LEF1: variants seen among roughly 807,000 people sequenced by gnomAD.
The protein encoded by LEF1 is lymphoid enhancer binding factor 1, also known as lymphoid enhancer-binding factor 1.
Under a neutral mutation model 51.2 loss-of-function variants are expected in LEF1, and 14 were observed. The ratio of observed to expected loss-of-function variants is 0.27; its 90% CI spans 0.18 to 0.43. The LOEUF is 0.43. Ranked by LOEUF, LEF1 falls within the 20% of genes least tolerant of loss-of-function variation. The pLI, the probability that LEF1 is intolerant of heterozygous loss-of-function variation, is 1.00. For synonymous variants in LEF1, 185 were observed against 183.2 expected (o/e 1.01, Z -0.08); for missense variants, 386 against 512.0 (o/e 0.75, Z 2.37).
intron 3 of LEF1, among the ~76,000 whole-genome samples, chr4:108,135,211 A>C (rs1383923859): frequency 4.6e-5 from 7 of 152,208 alleles, no homozygotes; most frequent in Non-Finnish European, 1.0e-4. Context: ...ATGGAACTCA[A>C]ACATCCAGAA....
Position 108,167,066 on chromosome 4 carries a change from G to A in LEF1, c.213+489C>T, listed in dbSNP as rs1745453422. On this transcript the variant is annotated intron_variant, in intron 1 of 11. Transcript: ENST00000265165. This position sits in a 1 kb window ranked among gnomAD's most constrained non-coding sequence, Gnocchi z 5.7. ...CCCACGCCCGCCTCCCCTTCCTCCCGCCTGTGGCTCTGCTCGTCTCCACCT... is the reference window on the plus strand; with the variant it reads ...CCCACGCCCGCCTCCCCTTCCTCCCACCTGTGGCTCTGCTCGTCTCCACCT... Among the ~76,000 whole-genome samples the A allele has an allele frequency of 6.6e-6, 1 of 151,578 alleles. No homozygotes were observed. The highest frequency in any genetic ancestry group is 2.4e-5 in the African/African-American group (1 of 41,236).
At chr4:108,146,822 T>C (rs1744022187) in intron 3 of LEF1, among the ~76,000 whole-genome samples, 1 of 152,194 alleles carries the variant, frequency 6.6e-6, no homozygotes, top group African/African-American at 2.4e-5. Flanking sequence ...CCTGTATCGA[T>C]AAAACAACTC....
intron 3 of LEF1, among the ~76,000 whole-genome samples, chr4:108,133,883 G>A (rs1578382487): frequency 6.6e-6 from 1 of 152,056 alleles, no homozygotes; most frequent in East Asian, 1.9e-4. Flanking sequence ...CTTAAACTTG[G>A]TTCTATTTGC....
intron 3 of LEF1, among the ~76,000 whole-genome samples, chr4:108,104,483 A>G (rs1741025747): frequency 6.8e-6 from 1 of 147,432 alleles, no homozygotes; most frequent in Non-Finnish European, 1.5e-5. Flanking sequence ...TAAAATATAT[A>G]TATAAATTAT....
At position 108,064,407 on chromosome 4, in the gene LEF1, T is replaced by G. The variant is rs757547464; in HGVS notation, c.1117-23A>C. 5 of 1,579,322 alleles carry G rather than the reference T, an allele frequency of 3.2e-6. No homozygotes were observed. The East Asian group carries it at 1.1e-4, about 35-fold the overall frequency. On this transcript the variant is annotated intron_variant, in intron 9 of 11. Coordinates refer to ENST00000265165, the MANE Select transcript of LEF1 (RefSeq NM_016269.5). ...ACCCTGGAAGAAGAGAGGTATACTG[T>G]CATGTCACAGATTGTACCATGAACA...
intron 2 of LEF1, among the ~76,000 whole-genome samples, chr4:108,164,591 T>C (rs2110425382): frequency 6.6e-6 from 1 of 152,328 alleles, no homozygotes; most frequent in Non-Finnish European, 1.5e-5. Flanking sequence ...ATTTCTGATA[T>C]GCACATTCCT....
At chr4:108,054,331 C>T (rs181103583) in intron 11 of LEF1, among the ~76,000 whole-genome samples, 31 of 152,332 alleles carry the variant, frequency 2.0e-4, no homozygotes, top group African/African-American at 3.6e-4. Flanking sequence ...CCTGAAGCAG[C>T]GTAGTGAGTG....
chr4:108,134,364 A>AG (rs1454178881), intron 3 of LEF1, among the ~76,000 whole-genome samples: 2 of 152,202 alleles, frequency 1.3e-5, no homozygotes, highest in Non-Finnish European at 2.9e-5. Flanking sequence ...TCATACTTCT[A>AG]AATTATCAAC....
chr4:108,110,683 AC>A (rs1405012046), intron 3 of LEF1, among the ~76,000 whole-genome samples: 3 of 152,064 alleles, frequency 2.0e-5, no homozygotes, highest in Admixed American at 6.5e-5. Flanking sequence ...CTGGCCTCAA[AC>A]CTCGACCCTG....
intron 11 of LEF1, among the ~76,000 whole-genome samples, chr4:108,053,113 C>T (rs1274879078): frequency 6.6e-6 from 1 of 152,308 alleles, no homozygotes; most frequent in Non-Finnish European, 1.5e-5. Flanking sequence ...CCCCAGGCAA[C>T]AACCCCTGTA....
chr4:108,110,473 T>C lies in LEF1; in HGVS notation c.415-21216A>G, dbSNP rs151332892. 3.3e-5 allele frequency among the ~76,000 whole-genome samples: 5 copies of C among 152,320 alleles called. No homozygotes were observed. In the East Asian group the frequency reaches 9.6e-4, roughly 29 times the overall value. On this transcript the variant is annotated intron_variant, in intron 3 of 11. Coordinates refer to ENST00000265165, the MANE Select transcript of LEF1 (RefSeq NM_016269.5). Reference sequence around the variant, plus strand: ...AATTGTCTTTGAGATTGAATTTTTATGGATATTTTAAAGCAAAAAAACACA... The same window carrying C: ...AATTGTCTTTGAGATTGAATTTTTACGGATATTTTAAAGCAAAAAAACACA...
intron 3 of LEF1, among the ~76,000 whole-genome samples, chr4:108,100,167 T>C (rs1251072525): frequency 2.0e-5 from 3 of 152,146 alleles, no homozygotes; most frequent in African/African-American, 7.2e-5. Flanking sequence ...TGAGTTGGAA[T>C]TGAGTCTGAA....
At chr4:108,072,827 G>C (rs1738576682) in intron 8 of LEF1, 1 of 152,170 alleles carries the variant, frequency 6.6e-6, no homozygotes, top group East Asian at 1.9e-4. Flanking sequence ...TTTAAACCTG[G>C]AACACTGACC....
intron 3 of LEF1, among the ~76,000 whole-genome samples, chr4:108,123,623 G>A (rs1173947765): frequency 6.6e-6 from 1 of 151,794 alleles, no homozygotes; most frequent in Non-Finnish European, 1.5e-5. Context: ...ATATTTTGGG[G>A]AAAAAACTTT....
intron 3 of LEF1, among the ~76,000 whole-genome samples, chr4:108,141,661 G>T (rs548929487): frequency 1.3e-5 from 2 of 152,268 alleles, no homozygotes; most frequent in Non-Finnish European, 2.9e-5. Flanking sequence ...CAAAGCCAAG[G>T]CCGCAAGCAG....
chr4:108,081,307 C>T (rs1328392381), intron 6 of LEF1, among the ~76,000 whole-genome samples: 1 of 152,090 alleles, frequency 6.6e-6, no homozygotes, highest in Non-Finnish European at 1.5e-5. Context: ...AGTTCCCATC[C>T]CACAGTCAGG....
chr4:108,068,368 A>G (rs1453159298), intron 9 of LEF1, among the ~76,000 whole-genome samples: 1 of 152,230 alleles, frequency 6.6e-6, no homozygotes, highest in African/African-American at 2.4e-5. Flanking sequence ...TTGAAGTCAG[A>G]GTGACCTGGG....
In LEF1 at chr4:108,145,187, C is replaced by G. The variant is rs1743926610; in HGVS notation, c.414+18381G>C. On this transcript the variant is annotated intron_variant, in intron 3 of 11. Transcript: ENST00000265165. ...TTAACATACAAATTGCCACTGGGGC[C>G]CCCGTTTGCTCTGTATGCCAGACGG... Among the ~76,000 whole-genome samples the G allele has an allele frequency of 2.0e-5, 3 of 152,080 alleles. No individual in the cohort carries two copies. In the South Asian group the frequency reaches 6.2e-4, roughly 32 times the overall value.
At chr4:108,166,918 AGGC>A in intron 1 of LEF1, 1 of 687,054 alleles carries the variant, frequency 1.5e-6, no homozygotes, top group Non-Finnish European at 1.8e-6. Flanking sequence ...CTGCTAGCCC[AGGC>A]GCTGGGGCCG....
Sources: gnomAD v4.1 joint callset for allele counts (sites outside exome capture counted in the v4.1 genomes callset) on GRCh38, gnomAD v4.1.1 for gene constraint, Gnocchi (gnomAD v3.1) non-coding constraint, MANE v1.5 for transcripts, NCBI Gene and HGNC (gene_info 2026-07-23, HGNC 2026-07-21) for gene names.